Variants in FAT3 observed in about 807,000 individuals in gnomAD.
FAT3 encodes FAT atypical cadherin 3, also known as protocadherin Fat 3.
A neutral mutation model predicts 310.2 loss-of-function variants in FAT3; 95 were observed. The observed-to-expected ratio is 0.31, with a 90% confidence interval of 0.26 to 0.36. The LOEUF is 0.36. Ranked by LOEUF, FAT3 falls within the 10% of genes least tolerant of loss-of-function variation. The pLI is 1.00. For synonymous variants in FAT3, 2,314 were observed against 2,192.9 expected, an observed-to-expected ratio of 1.06 and a Z score of -1.54; for missense variants, 5,408 against 5,715.6, an observed-to-expected ratio of 0.95 and a Z score of 1.74.
chr11:92,858,060 T>G (rs1949026911), intron 20 of FAT3, among the ~76,000 whole-genome samples: 1 of 152,170 alleles, frequency 6.6e-6, no homozygotes, highest in African/African-American at 2.4e-5. Context: ...TATAGGCACA[T>G]TGATAACAAT....
chr11:92,712,394 G>A (rs184557412), intron 4 of FAT3, among the ~76,000 whole-genome samples: 4 of 152,248 alleles, frequency 2.6e-5, no homozygotes, highest in Admixed American at 2.6e-4. Flanking sequence ...TGGTTTTCAC[G>A]GAGGGAGGGC....
intron 2 of FAT3, among the ~76,000 whole-genome samples, chr11:92,412,639 A>G (rs1226202988): frequency 7.2e-6 from 1 of 139,386 alleles, no homozygotes; most frequent in Non-Finnish European, 1.5e-5. Flanking sequence ...AAAATTCAAA[A>G]TCTGTAATTT....
At chr11:92,382,976 A>G (rs532190361) in intron 2 of FAT3, among the ~76,000 whole-genome samples, 1 of 152,138 alleles carries the variant, frequency 6.6e-6, no homozygotes, top group East Asian at 1.9e-4. Context: ...ATTCTTCCCG[A>G]TGCTCTCCCT....
intron 2 of FAT3, among the ~76,000 whole-genome samples, chr11:92,425,955 C>T (rs974609263): frequency 2.6e-5 from 4 of 152,154 alleles, no homozygotes; most frequent in African/African-American, 9.7e-5. Flanking sequence ...TGAGGAATCA[C>T]CACACTGTCT....
At chr11:92,242,144 T>A (rs1321936299) in intron 1 of FAT3, among the ~76,000 whole-genome samples, 1 of 152,100 alleles carries the variant, frequency 6.6e-6, no homozygotes, top group African/African-American at 2.4e-5. Flanking sequence ...TTGAGAACTC[T>A]AGGATGAGGA....
At chr11:92,755,060 A>G (rs1945951805) in intron 4 of FAT3, among the ~76,000 whole-genome samples, 2 of 152,152 alleles carry the variant, frequency 1.3e-5, no homozygotes, top group African/African-American at 4.8e-5. Flanking sequence ...GTGATAGAGG[A>G]GACAGGAGGG....
At chr11:92,422,153 A>G (rs926350062) in intron 2 of FAT3, among the ~76,000 whole-genome samples, 5 of 152,168 alleles carry the variant, frequency 3.3e-5, no homozygotes, top group African/African-American at 1.2e-4. Context: ...ATACTCCACA[A>G]GTCTTTGGAG....
At chr11:92,596,854 A>C (rs761713184) in intron 3 of FAT3, among the ~76,000 whole-genome samples, 1 of 152,194 alleles carries the variant, frequency 6.6e-6, no homozygotes, top group African/African-American at 2.4e-5. Context: ...ACCCAGTGTT[A>C]CTAAGAGTTT....
chr11:92,527,117 G>C (rs547540071), intron 3 of FAT3, among the ~76,000 whole-genome samples: 1 of 152,248 alleles, frequency 6.6e-6, no homozygotes, highest in East Asian at 1.9e-4. Flanking sequence ...TGGTCAGGGA[G>C]GGCTTCATGG....
chr11:92,366,827 TACCTGCCA>T, intron 2 of FAT3: 1 of 534,830 alleles, frequency 1.9e-6, no homozygotes, highest in Admixed American at 1.9e-5. Flanking sequence ...GAGGTCTGCA[TACCTGCCA>T]TCCTTACTGA....
At position 92,351,351 on chromosome 11, in the gene FAT3, A is replaced by G. The variant is rs544340554; in HGVS notation, c.-17-745A>G. Among the ~76,000 whole-genome samples the G allele has an allele frequency of 3.9e-5, 6 of 152,220 alleles. No individual in the cohort carries two copies. The South Asian group carries it at 1.0e-3, about 26-fold the overall frequency. ...AGCATTTTAAAAAGATTATAATTAT[A>G]AAAGTAATTATGTAACTATTGATGA... is the stretch of plus-strand genomic sequence containing the variant. On this transcript the variant is annotated intron_variant, in intron 1 of 27. Coordinates refer to ENST00000525166, the MANE Select transcript of FAT3 (RefSeq NM_001367949.2).
chr11:92,644,403 C>T (rs1942076185), intron 3 of FAT3, among the ~76,000 whole-genome samples: 1 of 152,156 alleles, frequency 6.6e-6, no homozygotes, highest in African/African-American at 2.4e-5. Flanking sequence ...CTGACTTCCT[C>T]ACTGGGTGAT....
At chr11:92,454,476 A>G (rs1951447562) in intron 2 of FAT3, among the ~76,000 whole-genome samples, 3 of 152,142 alleles carry the variant, frequency 2.0e-5, no homozygotes, top group Non-Finnish European at 4.4e-5. Flanking sequence ...CTCAACATTT[A>G]TATTTCTTTA....
At chr11:92,617,455 A>G (rs1940865433) in intron 3 of FAT3, among the ~76,000 whole-genome samples, 1 of 151,962 alleles carries the variant, frequency 6.6e-6, no homozygotes, top group Non-Finnish European at 1.5e-5. Flanking sequence ...GTTTGTTATT[A>G]CCAATCGTCT....
intron 2 of FAT3, among the ~76,000 whole-genome samples, chr11:92,468,846 A>G (rs1951838808): frequency 6.6e-6 from 1 of 152,212 alleles, no homozygotes; most frequent in African/African-American, 2.4e-5. Flanking sequence ...CTACAGTTGA[A>G]GATGAGATTT....
At chr11:92,373,810 AG>A in intron 2 of FAT3, among the ~76,000 whole-genome samples, 1 of 149,502 alleles carries the variant, frequency 6.7e-6, no homozygotes, top group Admixed American at 6.7e-5. Context: ...ACACACACAC[AG>A]AGACATAGAT....
intron 3 of FAT3, among the ~76,000 whole-genome samples, chr11:92,547,122 C>T (rs983541477): frequency 6.6e-6 from 1 of 152,116 alleles, no homozygotes; most frequent in African/African-American, 2.4e-5. Flanking sequence ...CCCAAGAAAG[C>T]AGGGCATTGG....
rs371047652 is a variant in FAT3, at chr11:92,266,006, T to C, written c.-18+40832T>C. Among the ~76,000 whole-genome samples, 28 of 152,290 alleles carry C rather than the reference T, an allele frequency of 1.8e-4. No homozygotes were observed. The East Asian group carries it at 5.2e-3, about 28-fold the overall frequency. On this transcript the variant is annotated intron_variant, in intron 1 of 27. Transcript: ENST00000525166. Reference sequence around the variant, plus strand: ...CCTTTTCAAGTCCATCATTTCTTGATGTTTTTTGAACTTAACTTTAACATT... The same window carrying C: ...CCTTTTCAAGTCCATCATTTCTTGACGTTTTTTGAACTTAACTTTAACATT...
intron 3 of FAT3, among the ~76,000 whole-genome samples, chr11:92,605,743 T>TTTA (rs1940257866): frequency 2.7e-5 from 4 of 149,688 alleles, no homozygotes; most frequent in South Asian, 4.2e-4. Flanking sequence ...TTTTTTTTTT[T>TTTA]ACAAATGAGA....
Sources: gnomAD v4.1 joint callset for allele counts (sites outside exome capture counted in the v4.1 genomes callset) on GRCh38, gnomAD v4.1.1 for gene constraint, MANE v1.5 for transcripts, NCBI Gene and HGNC (gene_info 2026-07-23, HGNC 2026-07-21) for gene names.